Variants in ADIPOR2 observed in about 807,000 individuals in gnomAD.
ADIPOR2 encodes adiponectin receptor protein 2.
ADIPOR2 carries 18 observed loss-of-function variants against 40.9 expected under a neutral mutation model. The ratio of observed to expected loss-of-function variants is 0.44; its 90% confidence interval spans 0.30 to 0.65. ADIPOR2 has a LOEUF of 0.65. Ranked by LOEUF, ADIPOR2 falls within the 30% of genes least tolerant of loss-of-function variation. The pLI is 0.09. For synonymous variants in ADIPOR2, 165 were observed against 166.4 expected, an observed-to-expected ratio of 0.99 and a Z score of 0.06; for missense variants, 283 against 479.2, an observed-to-expected ratio of 0.59 and a Z score of 3.82.
intron 1 of ADIPOR2, among the ~76,000 whole-genome samples, chr12:1,740,818 AAGAC>A (rs775436348): frequency 2.8e-4 from 43 of 152,324 alleles, no homozygotes; most frequent in Non-Finnish European, 5.1e-4. Flanking sequence ...TTAGTTGAGA[AAGAC>A]AGATAATTAA....
At chr12:1,748,119 ATT>A (rs1565647256) in intron 1 of ADIPOR2, among the ~76,000 whole-genome samples, 1 of 150,792 alleles carries the variant, frequency 6.6e-6, no homozygotes, top group African/African-American at 2.4e-5. Flanking sequence ...CCCACCCTTT[ATT>A]TTTAAATTTC....
At chr12:1,698,414 G>A (rs1319045142) in intron 1 of ADIPOR2, among the ~76,000 whole-genome samples, 1 of 152,066 alleles carries the variant, frequency 6.6e-6, no homozygotes, top group Non-Finnish European at 1.5e-5. Context: ...TGGAGACGAG[G>A]TTTTGCCATG....
chr12:1,714,916 C>T (rs145941628), intron 1 of ADIPOR2, among the ~76,000 whole-genome samples: 20 of 152,126 alleles, frequency 1.3e-4, no homozygotes, highest in African/African-American at 4.8e-4. Flanking sequence ...GAAAACTTCC[C>T]CAGGTCTACT....
Position 1,787,051 on chromosome 12 carries a change from C to T in ADIPOR2, c.*979C>T, listed in dbSNP as rs1592637790. ...CATCCCGCTCACTTTTATGGGAAGT[C>T]TTATTAGAGGGATGGGACAGTTTTC... On this transcript the variant is annotated 3_prime_UTR_variant, in exon 8 of 8. Coordinates refer to ENST00000357103, the MANE Select transcript of ADIPOR2 (RefSeq NM_024551.3). 1 of 152,142 alleles carries T rather than the reference C, an allele frequency of 6.6e-6. No homozygotes were observed. The highest frequency in any genetic ancestry group is 2.1e-4 in the South Asian group (1 of 4,832). The allele number at this position is 152,142 out of a possible 1,614,324, so 9.4% of individuals were successfully genotyped here.
chr12:1,762,528 T>A (rs946559878), intron 2 of ADIPOR2, among the ~76,000 whole-genome samples: 1 of 152,174 alleles, frequency 6.6e-6, no homozygotes, highest in Non-Finnish European at 1.5e-5. Context: ...TTTCAAGTAG[T>A]TTCTTTAAAG....
rs573721167 is a variant in ADIPOR2 at position 1,692,065 on chromosome 12, C to A, written c.-87+874C>A. On this transcript the variant is annotated intron_variant, in intron 1 of 7. Coordinates refer to ENST00000357103, the MANE Select transcript of ADIPOR2 (RefSeq NM_024551.3). ...TTTCTGAGCCTTGGTTATTGTCCCC[C>A]ATTTCTGTTCCAAAAGCAGACTTTT... 1.6e-4 allele frequency among the ~76,000 whole-genome samples: 23 copies of A among 142,794 alleles called. No homozygotes were observed. The East Asian group carries it at 4.8e-3, about 30-fold the overall frequency. 93.7% of individuals were successfully genotyped at this position (142,794 alleles called of 152,430 possible).
intron 1 of ADIPOR2, among the ~76,000 whole-genome samples, chr12:1,729,668 T>C (rs955019323): frequency 2.4e-5 from 3 of 125,128 alleles, no homozygotes; most frequent in Non-Finnish European, 5.3e-5. Flanking sequence ...TAACTTCTAA[T>C]TATTTTCTTA....
chr12:1,749,832 G>GTTTTTTTTT (rs57852014), intron 1 of ADIPOR2, among the ~76,000 whole-genome samples: 2 of 119,236 alleles, frequency 1.7e-5, no homozygotes, highest in African/African-American at 3.2e-5. Flanking sequence ...TATTTGTTTA[G>GTTTTTTTTT]TTTTTTTTTT....
At chr12:1,700,518 A>G (rs2094648045) in intron 1 of ADIPOR2, among the ~76,000 whole-genome samples, 1 of 152,176 alleles carries the variant, frequency 6.6e-6, no homozygotes, top group Non-Finnish European at 1.5e-5. Context: ...TGGAAGTGTA[A>G]TAAAATATGT....
At chr12:1,778,057 G>T (rs781124127) in intron 4 of ADIPOR2, 32 bp downstream of exon 4, 4 of 1,581,666 alleles carry the variant, frequency 2.5e-6, no homozygotes. Flanking sequence ...ATGAGCTGGT[G>T]ATTCACTTTC....
chr12:1,726,465 T>A (rs2094708234), intron 1 of ADIPOR2, among the ~76,000 whole-genome samples: 1 of 152,188 alleles, frequency 6.6e-6, no homozygotes. Context: ...CCCAAAGTGC[T>A]GGGATTACAG....
intron 1 of ADIPOR2, among the ~76,000 whole-genome samples, chr12:1,741,245 A>G (rs2154442917): frequency 6.6e-6 from 1 of 152,318 alleles, no homozygotes; most frequent in Admixed American, 6.5e-5. Context: ...TGCTAAATAA[A>G]GAGAGGAAAC....
intron 2 of ADIPOR2, 32 bp downstream of exon 2, chr12:1,754,546 G>GA: frequency 6.4e-7 from 1 of 1,568,808 alleles, no homozygotes; most frequent in Non-Finnish European, 8.6e-7. Flanking sequence ...ATAAACAAAG[G>GA]AAAAAATGTG....
At chr12:1,740,234 A>G (rs1265930387) in intron 1 of ADIPOR2, among the ~76,000 whole-genome samples, 4 of 152,230 alleles carry the variant, frequency 2.6e-5, no homozygotes, top group Admixed American at 6.5e-5. Flanking sequence ...GTGCTATTCT[A>G]TTGAAAGCCA....
intron 2 of ADIPOR2, among the ~76,000 whole-genome samples, chr12:1,761,482 A>T (rs1336780103): frequency 1.3e-5 from 2 of 152,192 alleles, no homozygotes; most frequent in African/African-American, 4.8e-5. Flanking sequence ...TCCCACCAAC[A>T]ATGTGTGGGG....
intron 1 of ADIPOR2, among the ~76,000 whole-genome samples, chr12:1,706,896 T>G (rs2094664346): frequency 2.0e-5 from 3 of 152,062 alleles, no homozygotes; most frequent in Admixed American, 6.5e-5. Flanking sequence ...GAGGCTGAGG[T>G]GGGAGGATCT....
intron 1 of ADIPOR2, among the ~76,000 whole-genome samples, chr12:1,729,190 C>T (rs2094714499): frequency 6.6e-6 from 1 of 151,986 alleles, no homozygotes; most frequent in African/African-American, 2.4e-5. Context: ...TGGAAGCTGT[C>T]AGGACTGAGG....
chr12:1,698,576 ACT>A (rs2094644054), intron 1 of ADIPOR2, among the ~76,000 whole-genome samples: 1 of 151,742 alleles, frequency 6.6e-6, no homozygotes, highest in African/African-American at 2.4e-5. Context: ...ATCTGCATCT[ACT>A]CTCTTCTTTT....
At chr12:1,767,361 T>A (rs1045892388) in intron 2 of ADIPOR2, among the ~76,000 whole-genome samples, 1 of 152,112 alleles carries the variant, frequency 6.6e-6, no homozygotes, top group South Asian at 2.1e-4. Context: ...CATTAAGCTT[T>A]GATGGAAGTC....
Sources: gnomAD v4.1 joint callset for allele counts (sites outside exome capture counted in the v4.1 genomes callset) on GRCh38, gnomAD v4.1.1 for gene constraint, MANE v1.5 for transcripts, NCBI Gene and HGNC (gene_info 2026-07-23, HGNC 2026-07-21) for gene names.